The following LHFPL6 variants were observed in gnomAD, a reference collection of about 807,000 sequenced individuals.
The protein encoded by LHFPL6 is LHFPL tetraspan subfamily member 6.
A neutral mutation model predicts 20.6 loss-of-function variants in LHFPL6; 9 were observed. The ratio of observed to expected loss-of-function variants is 0.44; its 90% CI spans 0.26 to 0.76. The LOEUF (loss-of-function observed/expected upper bound fraction) is 0.76, where lower values mean the gene tolerates loss of function less well. Ranked by LOEUF, LHFPL6 falls within the 30% of genes least tolerant of loss-of-function variation. The pLI, the probability that LHFPL6 is intolerant of heterozygous loss-of-function variation, is 0.20. For missense variants in LHFPL6, 218 were observed against 253.5 expected, an observed-to-expected ratio of 0.86 and a Z score of 0.95; for synonymous variants, 105 against 98.7, an observed-to-expected ratio of 1.06 and a Z score of -0.38.
intron 2 of LHFPL6, among the ~76,000 whole-genome samples, chr13:39,424,743 T>A (rs186858214): frequency 4.6e-5 from 7 of 152,296 alleles, no homozygotes; most frequent in Admixed American, 2.0e-4. Context: ...GGCTATCATA[T>A]CTCATTTCTG....
At chr13:39,374,869 C>G (rs1225606697) in intron 3 of LHFPL6, among the ~76,000 whole-genome samples, 1 of 152,198 alleles carries the variant, frequency 6.6e-6, no homozygotes, top group Non-Finnish European at 1.5e-5. Flanking sequence ...GCCACATCCC[C>G]AGCACCTAGC....
intron 2 of LHFPL6, among the ~76,000 whole-genome samples, chr13:39,592,887 A>C (rs1872653991): frequency 6.6e-6 from 1 of 152,248 alleles, no homozygotes; most frequent in Non-Finnish European, 1.5e-5. Context: ...GATTATCTCC[A>C]TAGATGCAGG....
intron 2 of LHFPL6, among the ~76,000 whole-genome samples, chr13:39,453,520 A>G (rs1477467340): frequency 6.6e-6 from 1 of 152,196 alleles, no homozygotes; most frequent in African/African-American, 2.4e-5. Context: ...ATTTGTAAAA[A>G]CTTATATTGA....
At chr13:39,513,983 G>A (rs1273671845) in intron 2 of LHFPL6, among the ~76,000 whole-genome samples, 1 of 152,108 alleles carries the variant, frequency 6.6e-6, no homozygotes, top group Non-Finnish European at 1.5e-5. Flanking sequence ...ACTTGACTCT[G>A]GAAACCCAAC....
chr13:39,347,451 C>T (rs1327653299), intron 3 of LHFPL6, among the ~76,000 whole-genome samples: 5 of 152,202 alleles, frequency 3.3e-5, no homozygotes, highest in African/African-American at 1.2e-4. Flanking sequence ...TTAAGAGTAA[C>T]TCGTGTCCTG....
chr13:39,431,049 A>G (rs35384495), intron 2 of LHFPL6, among the ~76,000 whole-genome samples: 26,605 of 152,066 alleles, frequency 0.17, 2,678 homozygotes, highest in African/African-American at 0.28. Flanking sequence ...CAGAGAGACC[A>G]CAAACCCACT....
chr13:39,598,062 T>C (rs955688032), intron 2 of LHFPL6, among the ~76,000 whole-genome samples: 4 of 152,232 alleles, frequency 2.6e-5, no homozygotes, highest in African/African-American at 9.6e-5. Context: ...AGCAGGAGAA[T>C]CTGCCTCATA....
intron 2 of LHFPL6, among the ~76,000 whole-genome samples, chr13:39,456,601 G>A (rs949308064): frequency 1.3e-4 from 20 of 152,224 alleles, no homozygotes; most frequent in African/African-American, 4.3e-4. Flanking sequence ...AGATGCCAAG[G>A]AAATTTAATG....
At chr13:39,406,868 G>A (rs1365686809) in intron 2 of LHFPL6, among the ~76,000 whole-genome samples, 3 of 152,176 alleles carry the variant, frequency 2.0e-5, no homozygotes, top group Non-Finnish European at 4.4e-5. Flanking sequence ...TTCAACCACT[G>A]GGAGTGGTTG....
intron 2 of LHFPL6, among the ~76,000 whole-genome samples, chr13:39,423,549 G>A (rs1384546532): frequency 6.6e-6 from 1 of 151,982 alleles, no homozygotes; most frequent in African/African-American, 2.4e-5. Context: ...TCACCTTCCT[G>A]AGTAGCTGGG....
chr13:39,354,055 G>T (rs1255942061), intron 3 of LHFPL6, among the ~76,000 whole-genome samples: 1 of 152,172 alleles, frequency 6.6e-6, no homozygotes, highest in Non-Finnish European at 1.5e-5. Flanking sequence ...CACTGCAGTG[G>T]GTGGGACCAG....
chr13:39,512,429 C>G (rs184854034), intron 2 of LHFPL6, among the ~76,000 whole-genome samples: 130 of 151,996 alleles, frequency 8.6e-4, no homozygotes, highest in Admixed American at 7.2e-3. Context: ...GGTGAAACCC[C>G]GTCTCTACTA....
intron 2 of LHFPL6, among the ~76,000 whole-genome samples, chr13:39,480,974 T>A (rs1296970881): frequency 6.6e-6 from 1 of 152,186 alleles, no homozygotes; most frequent in South Asian, 2.1e-4. Flanking sequence ...ATTATATTCA[T>A]TAGCATGCAA....
intron 3 of LHFPL6, among the ~76,000 whole-genome samples, chr13:39,357,864 A>G (rs960424547): frequency 1.3e-5 from 2 of 152,202 alleles, no homozygotes; most frequent in Non-Finnish European, 2.9e-5. Context: ...ACAAACGGAA[A>G]AACATTCCAT....
intron 2 of LHFPL6, among the ~76,000 whole-genome samples, chr13:39,582,282 G>A (rs1458824821): frequency 2.0e-5 from 3 of 152,072 alleles, no homozygotes; most frequent in Non-Finnish European, 2.9e-5. Flanking sequence ...CTTTCATCTC[G>A]CTCTCTTTCT....
At chr13:39,354,587 A>T (rs1869678562) in intron 3 of LHFPL6, among the ~76,000 whole-genome samples, 1 of 152,188 alleles carries the variant, frequency 6.6e-6, no homozygotes, top group African/African-American at 2.4e-5. Context: ...ATGGATGGGA[A>T]AGAAGTTCAA....
chr13:39,536,360 G>C (rs1459132986), intron 2 of LHFPL6, among the ~76,000 whole-genome samples: 2 of 152,208 alleles, frequency 1.3e-5, no homozygotes, highest in Non-Finnish European at 2.9e-5. Flanking sequence ...CGAGAGGGGA[G>C]CAGTTAACAG....
chr13:39,550,358 TC>T (rs1293183218), intron 2 of LHFPL6, among the ~76,000 whole-genome samples: 1 of 151,922 alleles, frequency 6.6e-6, no homozygotes, highest in Non-Finnish European at 1.5e-5. Context: ...TACGTGCTTG[TC>T]AAAACTCAAC....
At chr13:39,569,580 G>A (rs1041083930) in intron 2 of LHFPL6, among the ~76,000 whole-genome samples, 1 of 151,982 alleles carries the variant, frequency 6.6e-6, no homozygotes, top group South Asian at 2.1e-4. Context: ...AAGAATAAAC[G>A]GTGTTAAATT....
Sources: allele counts gnomAD v4.1 joint callset (sites outside exome capture counted in the v4.1 genomes callset), GRCh38; gene constraint gnomAD v4.1.1; transcripts MANE v1.5; gene names NCBI Gene and HGNC (gene_info 2026-07-23, HGNC 2026-07-21).